The following NPHP3 variants were observed in gnomAD, a reference collection of about 807,000 sequenced individuals.
NPHP3 encodes nephrocystin-3.
Under a neutral mutation model 171.9 loss-of-function variants are expected in NPHP3, and 123 were observed. The observed-to-expected ratio is 0.72, with a 90% CI of 0.62 to 0.83. The LOEUF (loss-of-function observed/expected upper bound fraction) is 0.83. Ranked by LOEUF, NPHP3 falls within the 40% of genes least tolerant of loss-of-function variation. NPHP3 has a pLI of 0.00. For missense variants in NPHP3, 1,506 were observed against 1,591.9 expected (o/e 0.95, Z 0.92); for synonymous variants, 558 against 579.2 (o/e 0.96, Z 0.52).
intron 6 of NPHP3, among the ~76,000 whole-genome samples, chr3:132,709,717 G>A (rs1359352748): frequency 6.6e-6 from 1 of 152,082 alleles, no homozygotes; most frequent in Non-Finnish European, 1.5e-5. Context: ...GTAGAAGGGC[G>A]ATATTGTATG....
rs956903200 is a variant in NPHP3 at position 132,692,663 on chromosome 3, T to C, written c.2466A>G (p.Gln822=). 4 of 1,613,762 alleles carry C rather than the reference T, an allele frequency of 2.5e-6. No homozygotes were observed. Among genetic ancestry groups the C allele is most frequent in the Admixed American group, 3.3e-5 (2 of 59,992 alleles). The change falls in exon 17 of 27, where the codon CAA becomes CAG. Residue 822 remains glutamine, a synonymous_variant. Transcript: ENST00000337331. ...CCTAAAATAACATTACCTGCAGATG[T>C]TGAAACCTAAGCAAGCCACATCCAT... is the stretch of plus-strand genomic sequence containing the variant. ...LTYGCGLLRF[Q]HLQAWETVRL...
Position 132,692,085 on chromosome 3 carries a change from T to C in NPHP3, c.2475+569A>G, listed in dbSNP as rs141464410. Among the ~76,000 whole-genome samples, 81 of 152,344 alleles carry C rather than the reference T, an allele frequency of 5.3e-4. 1 individual carries two copies. Among genetic ancestry groups the C allele is most frequent in the African/African-American group, 1.8e-3 (74 of 41,578 alleles). ...TACCACATTTTTACTGTAACTTTTC[T>C]GTATTTAGATACACAAATACTTACA... On this transcript the variant is annotated intron_variant, in intron 17 of 26. Coordinates refer to ENST00000337331, the MANE Select transcript of NPHP3 (RefSeq NM_153240.5).
chr3:132,695,101 A>G, intron 15 of NPHP3, 136 bp from the exon 16 acceptor site: 1 of 791,122 alleles, frequency 1.3e-6, no homozygotes, highest in South Asian at 1.5e-5. Flanking sequence ...ATGATAAAGG[A>G]AAGTGGTAGT....
At chr3:132,684,211 C>G (rs1939100314) in intron 24 of NPHP3, among the ~76,000 whole-genome samples, 1 of 152,138 alleles carries the variant, frequency 6.6e-6, no homozygotes, top group Non-Finnish European at 1.5e-5. Flanking sequence ...TTGCTTTACA[C>G]AGCAAACTTA....
chr3:132,703,396 T>C (rs537176051), intron 9 of NPHP3, among the ~76,000 whole-genome samples: 1 of 152,310 alleles, frequency 6.6e-6, no homozygotes, highest in South Asian at 2.1e-4. Context: ...TAGATTTCAT[T>C]GTATATTTCA....
intron 1 of NPHP3, 116 bp downstream of exon 1, chr3:132,721,847 C>T: frequency 7.1e-6 from 9 of 1,269,110 alleles, no homozygotes; most frequent in Non-Finnish European, 1.0e-5. Context: ...AATATGGCCT[C>T]TCAAATTAAA....
chr3:132,699,544 G>A (rs1939549043), intron 12 of NPHP3, 94 bp from the exon 13 acceptor site: 1 of 873,706 alleles, frequency 1.1e-6, no homozygotes, highest in African/African-American at 1.7e-5. Context: ...TTCTCATTAA[G>A]TTTATCTTAT....
chr3:132,716,566 T>C (rs755934867), intron 4 of NPHP3, among the ~76,000 whole-genome samples, 191 bp downstream of exon 4: 4 of 152,192 alleles, frequency 2.6e-5, no homozygotes, highest in Non-Finnish European at 5.9e-5. Context: ...TACCATCTGA[T>C]CACCATATGA....
In NPHP3 at chr3:132,688,831, G is replaced by A; in HGVS notation, c.2944C>T (p.Pro982Ser). ...TGGTGGAGGGACTGGGCTACTCTTG[G>A]GTGATCGGGATCTAAAGCTGTTTCT... is the stretch of plus-strand genomic sequence containing the variant. ...IRETALDPDH[P>S]RVAQSLHQLA... Residue 982 changes from proline (P) to serine (S), a missense_variant, in exon 21 of 27, where the codon CCA becomes TCA. Pro to Ser is a moderately conservative substitution (Grantham distance 74, BLOSUM62 -1). Coordinates refer to ENST00000337331, the MANE Select transcript of NPHP3 (RefSeq NM_153240.5). 6.2e-7 allele frequency: 1 copy of A among 1,614,046 alleles called. No individual in the cohort carries two copies. Among genetic ancestry groups the A allele is most frequent in the Non-Finnish European group, 8.5e-7 (1 of 1,179,982 alleles).
chr3:132,700,706 G>A (rs185137127), intron 10 of NPHP3, among the ~76,000 whole-genome samples: 12 of 151,898 alleles, frequency 7.9e-5, no homozygotes, highest in African/African-American at 2.4e-4. Context: ...ACATATGAGG[G>A]TAAGGTATTA....
intron 7 of NPHP3, among the ~76,000 whole-genome samples, chr3:132,706,804 A>G (rs1939767790): frequency 6.6e-6 from 1 of 152,224 alleles, no homozygotes; most frequent in East Asian, 1.9e-4. Flanking sequence ...ATAGAATAAA[A>G]AAGATAAATT....
At chr3:132,712,419 G>T (rs1361129281) in intron 6 of NPHP3, 1 of 456,924 alleles carries the variant, frequency 2.2e-6, no homozygotes, top group African/African-American at 2.0e-5. Context: ...AGGACACATG[G>T]TTTCTGTTGT....
chr3:132,684,828 C>G, intron 23 of NPHP3, 34 bp from the exon 24 acceptor site: 1 of 1,607,898 alleles, frequency 6.2e-7, no homozygotes, highest in Non-Finnish European at 8.5e-7. Context: ...CTTAAACTAT[C>G]TATTTTCTAG....
intron 9 of NPHP3, among the ~76,000 whole-genome samples, chr3:132,703,467 T>C (rs1939667956): frequency 6.6e-6 from 1 of 152,220 alleles, no homozygotes; most frequent in Non-Finnish European, 1.5e-5. Context: ...GAAGGACTTA[T>C]CTGCCTATTT....
intron 16 of NPHP3, chr3:132,693,866 C>G (rs934169319): frequency 3.4e-5 from 5 of 146,348 alleles, no homozygotes; most frequent in African/African-American, 1.3e-4. Flanking sequence ...AGGCGAGACT[C>G]TGTCTCGGGA....
intron 22 of NPHP3, among the ~76,000 whole-genome samples, chr3:132,686,799 TTTTA>T (rs1939173937): frequency 6.6e-6 from 1 of 152,166 alleles, no homozygotes; most frequent in Non-Finnish European, 1.5e-5. Context: ...TTAAAATAAC[TTTTA>T]TTGTGTATTT....
intron 13 of NPHP3, among the ~76,000 whole-genome samples, chr3:132,697,697 A>C (rs1232529435): frequency 6.6e-6 from 1 of 152,216 alleles, no homozygotes; most frequent in Non-Finnish European, 1.5e-5. Flanking sequence ...GGCATCAGAC[A>C]CAATTATTGT....
intron 14 of NPHP3, among the ~76,000 whole-genome samples, 173 bp from the exon 15 acceptor site, chr3:132,696,986 T>C (rs1489822442): frequency 1.3e-5 from 2 of 152,230 alleles, no homozygotes; most frequent in Non-Finnish European, 2.9e-5. Flanking sequence ...GCCTTCCAAC[T>C]GCAGACCACA....
In NPHP3 at chr3:132,681,932, A is replaced by G. The variant is rs113364886; in HGVS notation, c.3971T>C (p.Phe1324Ser). 2.9e-4 allele frequency: 472 copies of G among 1,614,144 alleles called. 4 individuals carry two copies. In the African/African-American group the frequency reaches 4.6e-3, roughly 16 times the overall value. The stretch of plus-strand genomic sequence containing the variant: ...CTATTACCTTTGTCCTTGCTGAAGG[A>G]AAACATTAGGAGAATGAGCTGTTTT... ...SLKTAHSPNVFLQQGQR is the reference protein window; with the variant it reads ...SLKTAHSPNVSLQQGQR The change falls in exon 27 of 27, where the codon TTC becomes TCC. Residue 1324 changes from phenylalanine to serine, a missense_variant. By Grantham distance (155) the Phe-to-Ser change is radical (BLOSUM62 -2). Coordinates refer to ENST00000337331, the MANE Select transcript of NPHP3 (RefSeq NM_153240.5).
Sources: gnomAD v4.1 joint callset for allele counts (sites outside exome capture counted in the v4.1 genomes callset) on GRCh38, gnomAD v4.1.1 for gene constraint, MANE v1.5 for transcripts, NCBI Gene and HGNC (gene_info 2026-07-23, HGNC 2026-07-21) for gene names.